GRIN2A: variants seen among roughly 807,000 people sequenced by gnomAD.
The protein encoded by GRIN2A is glutamate receptor ionotropic, NMDA 2A.
GRIN2A carries 22 observed loss-of-function variants against 113.4 expected under a neutral mutation model. The ratio of observed to expected loss-of-function variants is 0.19; its 90% CI spans 0.14 to 0.28. GRIN2A has a LOEUF of 0.28. GRIN2A is among the 10% of genes least tolerant of loss of function. The pLI, the probability that GRIN2A is intolerant of heterozygous loss-of-function variation, is 1.00. For missense variants in GRIN2A, 1,502 were observed against 1,887.0 expected (o/e 0.80, Z 3.78); for synonymous variants, 827 against 738.4 (o/e 1.12, Z -1.94).
chr16:10,098,164 T>C (rs1338041080), intron 2 of GRIN2A, among the ~76,000 whole-genome samples: 1 of 152,112 alleles, frequency 6.6e-6, no homozygotes, highest in Non-Finnish European at 1.5e-5. Flanking sequence ...CAGATAGTTC[T>C]CAAAAGAAGA....
intron 2 of GRIN2A, among the ~76,000 whole-genome samples, chr16:9,996,876 G>C (rs184345417): frequency 9.9e-5 from 15 of 152,146 alleles, no homozygotes; most frequent in Admixed American, 7.9e-4. Flanking sequence ...TCATTTTTCT[G>C]GTCTGATTCC....
chr16:9,946,054 T>C (rs1004802778), intron 2 of GRIN2A, among the ~76,000 whole-genome samples: 5 of 152,114 alleles, frequency 3.3e-5, no homozygotes. Flanking sequence ...GACAGCCCAA[T>C]ATACTGTACA....
rs1900501666 is a variant in GRIN2A at position 9,759,904 on chromosome 16, G to A, written c.*3245C>T. 4.3e-6 allele frequency: 1 copy of A among 230,598 alleles called. No homozygotes were observed. The highest frequency in any genetic ancestry group is 8.6e-6 in the Non-Finnish European group (1 of 116,556). 14.3% of individuals were successfully genotyped at this position (230,598 alleles called of 1,614,324 possible). On this transcript the variant is annotated 3_prime_UTR_variant, in exon 13 of 13. Transcript: ENST00000330684. ...CAAAGGTTTCTCAAGTACAGTTTAT[G>A]CTCTAGAAGACTCTCTTACCCAGAG...
chr16:10,157,063 C>A (rs2049713181), intron 2 of GRIN2A, among the ~76,000 whole-genome samples: 1 of 152,104 alleles, frequency 6.6e-6, no homozygotes, highest in African/African-American at 2.4e-5. Flanking sequence ...ATCACCAAAG[C>A]TTTAAGAGTG....
chr16:9,786,942 T>C (rs1567296253), intron 11 of GRIN2A, among the ~76,000 whole-genome samples: 1 of 152,212 alleles, frequency 6.6e-6, no homozygotes, highest in Non-Finnish European at 1.5e-5. Context: ...AGTCACATCC[T>C]ACAGACAATA....
intron 11 of GRIN2A, chr16:9,794,519 T>C (rs1902846522): frequency 6.6e-6 from 1 of 152,170 alleles, no homozygotes; most frequent in Admixed American, 6.5e-5. Flanking sequence ...TATTTACTCC[T>C]AGAGAGACAT....
At chr16:9,829,773 G>A (rs373619713) in intron 8 of GRIN2A, 121 bp from the exon 9 acceptor site, 3 of 716,686 alleles carry the variant, frequency 4.2e-6, no homozygotes, top group Non-Finnish European at 7.7e-6. Context: ...TTATATCATA[G>A]TTGTGTCCTG....
intron 2 of GRIN2A, among the ~76,000 whole-genome samples, chr16:10,051,346 C>G (rs1016006106): frequency 2.0e-5 from 3 of 152,144 alleles, no homozygotes; most frequent in Non-Finnish European, 4.4e-5. Flanking sequence ...GCATGGGTCT[C>G]AGAGTCTGAT....
chr16:10,011,253 T>G (rs1382211280), intron 2 of GRIN2A, among the ~76,000 whole-genome samples: 2 of 152,320 alleles, frequency 1.3e-5, no homozygotes, highest in East Asian at 3.9e-4. Context: ...GGTGTTTACA[T>G]TAGAAAGAAT....
At chr16:10,071,764 C>T (rs1056099715) in intron 2 of GRIN2A, among the ~76,000 whole-genome samples, 5 of 152,190 alleles carry the variant, frequency 3.3e-5, no homozygotes, top group Middle Eastern at 3.2e-3. Context: ...GCCCTGCCTG[C>T]CACTATCACT....
chr16:9,937,110 A>G (rs2044731004), intron 3 of GRIN2A, among the ~76,000 whole-genome samples: 1 of 152,180 alleles, frequency 6.6e-6, no homozygotes, highest in Non-Finnish European at 1.5e-5. Flanking sequence ...AAGACAAATG[A>G]TGAATTCTTG....
At chr16:10,056,701 A>G (rs2047462162) in intron 2 of GRIN2A, among the ~76,000 whole-genome samples, 1 of 152,174 alleles carries the variant, frequency 6.6e-6, no homozygotes, top group African/African-American at 2.4e-5. Context: ...AAATATGGAA[A>G]CAGAGACTAG....
intron 3 of GRIN2A, among the ~76,000 whole-genome samples, chr16:9,915,112 A>G (rs1252307414): frequency 2.0e-5 from 3 of 149,676 alleles, no homozygotes; most frequent in African/African-American, 7.4e-5. Flanking sequence ...AATTTTTTGT[A>G]TTTTTAGTAG....
chr16:9,825,043 A>G (rs2042360337), intron 9 of GRIN2A, among the ~76,000 whole-genome samples: 2 of 152,186 alleles, frequency 1.3e-5, no homozygotes. Context: ...AGAGGTCTCC[A>G]TTGTCAGCAA....
At chr16:10,137,671 A>T (rs890258963) in intron 2 of GRIN2A, among the ~76,000 whole-genome samples, 2 of 152,166 alleles carry the variant, frequency 1.3e-5, no homozygotes, top group African/African-American at 4.8e-5. Flanking sequence ...TCTTCTTTTC[A>T]ATAAAAATTC....
At chr16:9,848,012 T>A (rs1335716499) in intron 5 of GRIN2A, among the ~76,000 whole-genome samples, 1 of 146,498 alleles carries the variant, frequency 6.8e-6, no homozygotes, top group Non-Finnish European at 1.5e-5. Context: ...TATATTGGTT[T>A]CTATATGTTA....
intron 2 of GRIN2A, among the ~76,000 whole-genome samples, chr16:9,960,839 T>C (rs1336008705): frequency 6.6e-6 from 1 of 152,176 alleles, no homozygotes; most frequent in Non-Finnish European, 1.5e-5. Flanking sequence ...TCGTCCAGGC[T>C]AGTCTCAAAC....
At chr16:9,820,422 T>A (rs2141290364) in intron 10 of GRIN2A, among the ~76,000 whole-genome samples, 1 of 152,356 alleles carries the variant, frequency 6.6e-6, no homozygotes, top group African/African-American at 2.4e-5. Context: ...AAATATTCTA[T>A]GGCTCAGCAG....
chr16:9,917,438 T>C (rs1393314860), intron 3 of GRIN2A, among the ~76,000 whole-genome samples: 1 of 152,208 alleles, frequency 6.6e-6, no homozygotes, highest in African/African-American at 2.4e-5. Context: ...CCACTAACAA[T>C]GTGACCTTGA....
Sources: gnomAD v4.1 joint callset for allele counts (sites outside exome capture counted in the v4.1 genomes callset) on GRCh38, gnomAD v4.1.1 for gene constraint, MANE v1.5 for transcripts, NCBI Gene and HGNC (gene_info 2026-07-23, HGNC 2026-07-21) for gene names.